Variants in VEGFD observed in about 807,000 individuals in gnomAD.
VEGFD encodes vascular endothelial growth factor D.
VEGFD carries 26 observed loss-of-function variants against 28.0 expected under a neutral mutation model. That is an observed-to-expected ratio of 0.93 (90% CI 0.68 to 1.29). VEGFD has a LOEUF of 1.29. VEGFD is among the 50% of genes most tolerant of loss of function. The probability of loss-of-function intolerance (pLI) is 0.00; values close to 1 mark genes in which losing one functional copy is unlikely to be tolerated. For synonymous variants in VEGFD, 93 were observed against 95.5 expected, an observed-to-expected ratio of 0.97 and a Z score of 0.15; for missense variants, 294 against 273.4, an observed-to-expected ratio of 1.08 and a Z score of -0.53.
chrX:15,368,058 A>G (rs1191667425), intron 1 of VEGFD, among the ~76,000 whole-genome samples: 2 of 106,058 alleles, frequency 1.9e-5, no homozygotes, highest in African/African-American at 7.1e-5. Flanking sequence ...AAGAAGAAAG[A>G]AAGGAAAGAA....
rs1923212369 is a variant in VEGFD, at chrX:15,368,065, A to AGAAGAAAGAAAGAAAGAAGAAAGAAAG, written c.91-4747_91-4746insCTTTCTTTCTTCTTTCTTTCTTTCTTC. Reference sequence around the variant, plus strand: ...AAGAAAGAAAGAAGAAAGAAAGGAAAGAAAGAAAGAAAGAAAGAAAAGAAA... The same window carrying AGAAGAAAGAAAGAAAGAAGAAAGAAAG: ...AAGAAAGAAAGAAGAAAGAAAGGAAAGAAGAAAGAAAGAAAGAAGAAAGAAAGGAAAGAAAGAAAGAAAGAAAAGAAA... On this transcript the variant is annotated intron_variant, in intron 1 of 6. Coordinates refer to ENST00000297904, the MANE Select transcript of VEGFD (RefSeq NM_004469.5). Among the ~76,000 whole-genome samples, 7 of 106,117 alleles carry AGAAGAAAGAAAGAAAGAAGAAAGAAAG rather than the reference A, an allele frequency of 6.6e-5. No individual in the cohort carries two copies. The South Asian group carries it at 1.3e-3, about 20-fold the overall frequency. 92.1% of individuals were successfully genotyped at this position (106,117 alleles called of 115,157 possible). A position where few individuals can be genotyped will look rare whatever the true frequency, so the allele number is the denominator to read the frequency against.
intron 3 of VEGFD, among the ~76,000 whole-genome samples, chrX:15,355,909 C>A (rs1922856433): frequency 8.9e-6 from 1 of 112,169 alleles, no homozygotes; most frequent in African/African-American, 3.2e-5. Flanking sequence ...CAGCTGAATC[C>A]ACCCTAAACT....
At chrX:15,356,791 C>T (rs1459244721) in intron 3 of VEGFD, among the ~76,000 whole-genome samples, 1 of 111,194 alleles carries the variant, frequency 9.0e-6, no homozygotes, top group Non-Finnish European at 1.9e-5. Context: ...GGTTAAAATA[C>T]ACACAAGCTC....
In VEGFD at chrX:15,353,145, CAG is replaced by C; in HGVS notation, c.663_664del (p.Cys222SerfsTer3). 8.6e-7 allele frequency: 1 copy of C among 1,165,211 alleles called. No homozygotes were observed. On this transcript the variant is annotated frameshift_variant, in exon 5 of 7. Coordinates refer to ENST00000297904, the MANE Select transcript of VEGFD (RefSeq NM_004469.5). LOFTEE classifies it high-confidence loss of function. ...GCTATCCCATAGCATGTCAATAGGA[CAG>C]AGTTTCTTGGAATGGGAACAGCTAG...
intron 3 of VEGFD, 28 bp from the exon 4 acceptor site, chrX:15,355,326 TA>T (rs1922840083): frequency 9.0e-7 from 1 of 1,114,808 alleles, no homozygotes; most frequent in Non-Finnish European, 1.2e-6. Context: ...AACCACAATA[TA>T]TTTTTTTAAT....
intron 5 of VEGFD, among the ~76,000 whole-genome samples, chrX:15,349,277 A>G (rs1441440508): frequency 8.9e-6 from 1 of 112,802 alleles, no homozygotes; most frequent in East Asian, 2.8e-4. Context: ...CCATTGTTGG[A>G]CAGGGTTGTT....
At chrX:15,382,874 C>T (rs146397462) in intron 1 of VEGFD, among the ~76,000 whole-genome samples, 1,568 of 111,669 alleles carry the variant, frequency 0.014, 24 homozygotes, top group African/African-American at 0.049. Context: ...AAGACACTTT[C>T]CCCCTATGCA....
At chrX:15,349,569 C>G (rs75319041) in intron 5 of VEGFD, among the ~76,000 whole-genome samples, 6 of 112,088 alleles carry the variant, frequency 5.4e-5, no homozygotes, top group Non-Finnish European at 1.1e-4. Flanking sequence ...AATTGTAGCT[C>G]TCTTCAAGAA....
intron 1 of VEGFD, among the ~76,000 whole-genome samples, chrX:15,368,035 G>GAAAGAAAGGAAAGAAGA (rs778478507): frequency 1.6e-4 from 6 of 37,453 alleles, no homozygotes; most frequent in African/African-American, 6.8e-4. Context: ...AGAAAGGAAA[G>GAAAGAAAGGAAAGAAGA]AAGAAAGAAA....
At chrX:15,363,681 C>T (rs116587394) in intron 1 of VEGFD, among the ~76,000 whole-genome samples, 1,172 of 112,272 alleles carry the variant, frequency 0.01, 13 homozygotes, top group African/African-American at 0.035. Context: ...AGTTAAGGAT[C>T]TTAAAATGAG....
At chrX:15,351,145 T>C (rs1206550050) in intron 5 of VEGFD, among the ~76,000 whole-genome samples, 1 of 87,089 alleles carries the variant, frequency 1.1e-5, no homozygotes, top group African/African-American at 4.3e-5. Flanking sequence ...AGACGGAGTC[T>C]CGCTCTGTTG....
At chrX:15,368,959 G>A (rs1923242958) in intron 1 of VEGFD, among the ~76,000 whole-genome samples, 1 of 111,946 alleles carries the variant, frequency 8.9e-6, no homozygotes, top group Admixed American at 9.5e-5. Flanking sequence ...GAGGCTTAAA[G>A]TCTTTTTAAT....
intron 1 of VEGFD, among the ~76,000 whole-genome samples, chrX:15,382,116 C>G (rs778797552): frequency 6.3e-5 from 7 of 111,024 alleles, no homozygotes; most frequent in South Asian, 3.8e-4. Context: ...GTCAGGAGAT[C>G]GAGACCATCC....
chrX:15,364,102 C>T (rs1299917305), intron 1 of VEGFD, among the ~76,000 whole-genome samples: 2 of 111,634 alleles, frequency 1.8e-5, no homozygotes, highest in Admixed American at 9.5e-5. Context: ...AGAAATTGAT[C>T]CACAAAGGCC....
chrX:15,363,829 CG>C (rs1173048273), intron 1 of VEGFD, among the ~76,000 whole-genome samples: 1 of 111,713 alleles, frequency 9.0e-6, no homozygotes, highest in Non-Finnish European at 1.9e-5. Context: ...CAGTGACAAG[CG>C]GGGGATTGCC....
chrX:15,357,569 A>G (rs749282179), intron 3 of VEGFD, among the ~76,000 whole-genome samples: 21 of 111,585 alleles, frequency 1.9e-4, no homozygotes, highest in Non-Finnish European at 4.0e-4. Flanking sequence ...TCTTTCCCCA[A>G]TTCTGCCCAC....
intron 5 of VEGFD, among the ~76,000 whole-genome samples, chrX:15,348,361 T>C (rs750864435): frequency 8.9e-6 from 1 of 112,472 alleles, no homozygotes; most frequent in Admixed American, 9.4e-5. Context: ...ACAAGTTTTA[T>C]CCCTCCAACC....
intron 2 of VEGFD, among the ~76,000 whole-genome samples, chrX:15,358,585 G>T (rs887367181): frequency 1.8e-5 from 2 of 111,832 alleles, no homozygotes; most frequent in Admixed American, 9.5e-5. Flanking sequence ...CATTTCTTCT[G>T]CTTTAAAGCC....
At chrX:15,379,629 C>T (rs1923519029) in intron 1 of VEGFD, among the ~76,000 whole-genome samples, 1 of 112,043 alleles carries the variant, frequency 8.9e-6, no homozygotes, top group African/African-American at 3.2e-5. Context: ...TATACAGTTT[C>T]CACTCTCTCT....
Sources: allele counts gnomAD v4.1 joint callset (sites outside exome capture counted in the v4.1 genomes callset), GRCh38; gene constraint gnomAD v4.1.1; transcripts MANE v1.5; gene names NCBI Gene and HGNC (gene_info 2026-07-23, HGNC 2026-07-21).